Variants in SDK1 observed in about 807,000 individuals in gnomAD.
SDK1 encodes protein sidekick-1.
Under a neutral mutation model 245.5 loss-of-function variants are expected in SDK1, and 157 were observed. The ratio of observed to expected loss-of-function variants is 0.64; its 90% CI spans 0.56 to 0.73. The LOEUF is 0.73. SDK1 is among the 30% of genes least tolerant of loss of function. The pLI is 0.00. For synonymous variants in SDK1, 1,647 were observed against 1,278.5 expected (o/e 1.29, Z -6.15); for missense variants, 3,583 against 3,002.3 (o/e 1.19, Z -4.52).
At chr7:3,498,838 G>A (rs1343269731) in intron 1 of SDK1, among the ~76,000 whole-genome samples, 1 of 151,242 alleles carries the variant, frequency 6.6e-6, no homozygotes. Context: ...ATTTCCAACT[G>A]AAGTCTCTTT....
chr7:3,898,851 G>A (rs1781689549), intron 5 of SDK1, among the ~76,000 whole-genome samples: 1 of 152,126 alleles, frequency 6.6e-6, no homozygotes, highest in Non-Finnish European at 1.5e-5. Flanking sequence ...TCTTTACTAG[G>A]CTAAATTCAT....
At chr7:4,144,161 A>G (rs10271026) in intron 28 of SDK1, among the ~76,000 whole-genome samples, 91,218 of 150,238 alleles carry the variant, frequency 0.61, 28,047 homozygotes, top group East Asian at 0.79. Flanking sequence ...AGGCCGGGGG[A>G]AAGAGCTGGC....
intron 35 of SDK1, among the ~76,000 whole-genome samples, chr7:4,182,719 C>T (rs1344980708): frequency 6.6e-6 from 1 of 152,212 alleles, no homozygotes; most frequent in East Asian, 1.9e-4. Flanking sequence ...CTGGTCTTTC[C>T]ATGGGGCTCC....
chr7:3,946,449 G>C (rs1420928247), intron 5 of SDK1, among the ~76,000 whole-genome samples: 4 of 152,046 alleles, frequency 2.6e-5, no homozygotes, highest in Non-Finnish European at 5.9e-5. Context: ...TGAGTAGCTG[G>C]GACTACATGT....
chr7:3,530,504 G>A (rs1053626998), intron 1 of SDK1, among the ~76,000 whole-genome samples: 2 of 152,156 alleles, frequency 1.3e-5, no homozygotes, highest in African/African-American at 4.8e-5. Context: ...TTCTCAAAAT[G>A]TAAGGAGTTG....
chr7:3,403,862 TATATATAA>T (rs1430427145), intron 1 of SDK1, among the ~76,000 whole-genome samples: 44 of 117,096 alleles, frequency 3.8e-4, no homozygotes, highest in Non-Finnish European at 6.5e-4. Context: ...TATATATATA[TATATATAA>T]TATATATATT....
At chr7:4,112,494 G>A (rs757108810) in intron 23 of SDK1, among the ~76,000 whole-genome samples, 5 of 152,266 alleles carry the variant, frequency 3.3e-5, no homozygotes, top group South Asian at 2.1e-4. Context: ...GCAGAGTGCC[G>A]TTGATCATTT....
At chr7:3,342,727 GCATATT>G (rs1266305536) in intron 1 of SDK1, among the ~76,000 whole-genome samples, 9 of 152,136 alleles carry the variant, frequency 5.9e-5, no homozygotes, top group South Asian at 4.1e-4. Flanking sequence ...CCATGAAAGA[GCATATT>G]AAGAGGATGG....
intron 1 of SDK1, among the ~76,000 whole-genome samples, chr7:3,391,271 C>G (rs1037978922): frequency 4.6e-5 from 7 of 152,164 alleles, no homozygotes; most frequent in African/African-American, 7.2e-5. Context: ...TAGAAGTCAA[C>G]TCTTAAAAAT....
At chr7:4,087,376 A>C (rs1781490769) in intron 22 of SDK1, among the ~76,000 whole-genome samples, 1 of 152,058 alleles carries the variant, frequency 6.6e-6, no homozygotes, top group Non-Finnish European at 1.5e-5. Flanking sequence ...TTATTCATGC[A>C]CTAATTCCAC....
intron 4 of SDK1, among the ~76,000 whole-genome samples, chr7:3,657,224 T>C (rs1016828298): frequency 1.3e-5 from 2 of 152,158 alleles, no homozygotes; most frequent in Non-Finnish European, 2.9e-5. Flanking sequence ...ATGAGGAGGC[T>C]GTAAACTGGA....
chr7:4,043,669 AG>A (rs1788808055), intron 17 of SDK1, among the ~76,000 whole-genome samples: 1 of 152,234 alleles, frequency 6.6e-6, no homozygotes, highest in Non-Finnish European at 1.5e-5. Context: ...AGCCACGCAA[AG>A]GTACAGACGT....
At chr7:3,924,647 C>T (rs770490842) in intron 5 of SDK1, among the ~76,000 whole-genome samples, 10 of 152,170 alleles carry the variant, frequency 6.6e-5, no homozygotes, top group Non-Finnish European at 1.2e-4. Context: ...CCTTTTTCCT[C>T]GGCCTCCCGG....
intron 4 of SDK1, among the ~76,000 whole-genome samples, chr7:3,819,667 A>G (rs1779594997): frequency 6.6e-6 from 1 of 152,152 alleles, no homozygotes; most frequent in Non-Finnish European, 1.5e-5. Context: ...CTATTGAAAT[A>G]TTTTTATGAG....
intron 1 of SDK1, among the ~76,000 whole-genome samples, chr7:3,380,346 T>G (rs1041339396): frequency 6.6e-6 from 1 of 152,240 alleles, no homozygotes; most frequent in East Asian, 1.9e-4. Context: ...TGTAATTGTT[T>G]TAACGTTGTT....
chr7:3,301,652 C>G lies in SDK1; in HGVS notation c.66C>G (p.Arg22=). 2.0e-6 allele frequency: 2 copies of G among 976,682 alleles called. No homozygotes were observed. The highest frequency in any genetic ancestry group is 2.4e-6 in the Non-Finnish European group (2 of 826,218). 60.5% of individuals were successfully genotyped at this position (976,682 alleles called of 1,614,324 possible). A position where few individuals can be genotyped will look rare whatever the true frequency, so the allele number is the denominator to read the frequency against. ...GCGGCGGCGCGGAGCCCCCTGAGCGCGCGGGCCCCGGGCGGCCGCGGGGAT... is the reference window on the plus strand; with the variant it reads ...GCGGCGGCGCGGAGCCCCCTGAGCGGGCGGGCCCCGGGCGGCCGCGGGGAT... ...GGGGGAEPPE[R]AGPGRPRGSP... Residue 22 remains arginine, a synonymous_variant, in exon 1 of 45, where the codon CGC becomes CGG. Coordinates refer to ENST00000404826, the MANE Select transcript of SDK1 (RefSeq NM_152744.4).
chr7:3,875,232 C>T (rs1034679761), intron 5 of SDK1, among the ~76,000 whole-genome samples: 4 of 152,136 alleles, frequency 2.6e-5, no homozygotes, highest in Admixed American at 6.5e-5. Flanking sequence ...ACCCTTGGTT[C>T]TCTGACAGAG....
chr7:4,129,639 C>A, intron 26 of SDK1: 1 of 1,328,804 alleles, frequency 7.5e-7, no homozygotes, highest in Non-Finnish European at 9.6e-7. Flanking sequence ...CAGTTGGGCC[C>A]TCAGATCTTG....
chr7:4,139,759 A>G lies in SDK1; in HGVS notation c.4229-5963A>G, dbSNP rs982006961. 6.7e-5 allele frequency among the ~76,000 whole-genome samples: 10 copies of G among 148,818 alleles called. No individual in the cohort carries two copies. The East Asian group carries it at 1.6e-3, about 24-fold the overall frequency. On this transcript the variant is annotated intron_variant, in intron 28 of 44. Transcript: ENST00000404826. The stretch of plus-strand genomic sequence containing the variant: ...TGTATGTGTGTGTGTGTGTGTGTGT[A>G]TAATCTTGAAAAGCTGAAGCCCCAG...
Sources: allele counts gnomAD v4.1 joint callset (sites outside exome capture counted in the v4.1 genomes callset), GRCh38; gene constraint gnomAD v4.1.1; transcripts MANE v1.5; gene names NCBI Gene and HGNC (gene_info 2026-07-23, HGNC 2026-07-21).